Variants in LRRC4C observed in about 807,000 individuals in gnomAD.
The protein encoded by LRRC4C is leucine-rich repeat-containing protein 4C.
In LRRC4C, 5 loss-of-function variants were observed where a neutral mutation model predicts 33.6. The observed-to-expected ratio is 0.15, with a 90% CI of 0.08 to 0.31. The LOEUF (loss-of-function observed/expected upper bound fraction) is 0.31, where lower values mean the gene tolerates loss of function less well. Among genes scored for constraint, LRRC4C ranks in the 10% least tolerant of loss-of-function variants. The pLI, the probability that LRRC4C is intolerant of heterozygous loss-of-function variation, is 1.00. For missense variants in LRRC4C, 560 were observed against 796.7 expected (o/e 0.70, Z 3.58); for synonymous variants, 329 against 302.0 (o/e 1.09, Z -0.93).
intron 3 of LRRC4C, among the ~76,000 whole-genome samples, chr11:40,533,960 G>C (rs1381533185): frequency 6.6e-6 from 1 of 152,106 alleles, no homozygotes. Context: ...TATAGACATT[G>C]CCCAGCACAA....
chr11:40,810,347 C>T (rs1951435659), intron 2 of LRRC4C, among the ~76,000 whole-genome samples: 1 of 152,148 alleles, frequency 6.6e-6, no homozygotes, highest in Non-Finnish European at 1.5e-5. Context: ...TTATCTCCTT[C>T]TCTGTTTAAG....
intron 1 of LRRC4C, among the ~76,000 whole-genome samples, chr11:41,442,473 T>TTTTTTTTTTTTTTTTTTTC: frequency 7.7e-6 from 1 of 130,700 alleles, no homozygotes; most frequent in Non-Finnish European, 1.6e-5. Flanking sequence ...TTTTTTTTTT[T>TTTTTTTTTTTTTTTTTTTC]TTTTTTTTTT....
At chr11:40,912,460 A>G (rs1480384004) in intron 2 of LRRC4C, among the ~76,000 whole-genome samples, 2 of 152,188 alleles carry the variant, frequency 1.3e-5, no homozygotes, top group Non-Finnish European at 2.9e-5. Context: ...TTCATAACTG[A>G]AGGAGAAATA....
chr11:41,055,960 G>A (rs1004046246), intron 1 of LRRC4C, among the ~76,000 whole-genome samples: 15 of 152,094 alleles, frequency 9.9e-5, no homozygotes, highest in African/African-American at 3.6e-4. Context: ...TGCTTTTAAT[G>A]CATATTTTCT....
At chr11:41,289,764 C>A (rs547123475) in intron 1 of LRRC4C, among the ~76,000 whole-genome samples, 2 of 151,980 alleles carry the variant, frequency 1.3e-5, no homozygotes, top group Non-Finnish European at 1.5e-5. Context: ...TTTTGGCAGC[C>A]CTAGCATACT....
intron 3 of LRRC4C, among the ~76,000 whole-genome samples, chr11:40,645,028 A>T (rs1330905565): frequency 6.6e-6 from 1 of 152,118 alleles, no homozygotes; most frequent in Non-Finnish European, 1.5e-5. Flanking sequence ...CATCAGCAAT[A>T]TGACATCTAC....
At chr11:40,813,340 A>T (rs1951572258) in intron 2 of LRRC4C, among the ~76,000 whole-genome samples, 1 of 152,166 alleles carries the variant, frequency 6.6e-6, no homozygotes, top group Non-Finnish European at 1.5e-5. Flanking sequence ...AGGAGCAAAG[A>T]CATGTCTTAC....
At chr11:40,608,889 G>A (rs1003103695) in intron 3 of LRRC4C, among the ~76,000 whole-genome samples, 10 of 152,080 alleles carry the variant, frequency 6.6e-5, no homozygotes, top group African/African-American at 2.4e-4. Flanking sequence ...AATTATACAT[G>A]TATATACTAT....
rs933409890 is a variant in LRRC4C at position 41,302,342 on chromosome 11, C to T, written c.-496+157089G>A. On this transcript the variant is annotated intron_variant, in intron 1 of 6. Transcript: ENST00000528697. ...CAGAAACAAGGGAGGGGAAGCTACG[C>T]AATCACAGAAGAGGCAAAGTTGAGA... Among the ~76,000 whole-genome samples the T allele has an allele frequency of 6.6e-5, 10 of 152,116 alleles. No individual in the cohort carries two copies. In the East Asian group the frequency reaches 1.9e-3, roughly 29 times the overall value.
intron 1 of LRRC4C, among the ~76,000 whole-genome samples, chr11:40,947,786 G>A (rs534730194): frequency 6.6e-6 from 1 of 152,038 alleles, no homozygotes; most frequent in East Asian, 1.9e-4. Context: ...TAGCCCAGTG[G>A]CCTCCCTGTA....
chr11:40,490,331 A>G (rs1378232253), intron 3 of LRRC4C, among the ~76,000 whole-genome samples: 1 of 152,134 alleles, frequency 6.6e-6, no homozygotes. Context: ...ACCTAAAGCC[A>G]TCACCTTATA....
intron 1 of LRRC4C, among the ~76,000 whole-genome samples, chr11:41,455,085 C>T (rs1401584832): frequency 6.6e-6 from 1 of 152,102 alleles, no homozygotes; most frequent in Non-Finnish European, 1.5e-5. Flanking sequence ...TTCTCAATAC[C>T]ATATTCTCTT....
At chr11:41,283,264 A>G (rs1219871316) in intron 1 of LRRC4C, among the ~76,000 whole-genome samples, 1 of 152,244 alleles carries the variant, frequency 6.6e-6, no homozygotes, top group Non-Finnish European at 1.5e-5. Context: ...ATTATTTTAA[A>G]AAGTAAAAGA....
At chr11:40,263,957 C>T (rs7944775) in intron 4 of LRRC4C, among the ~76,000 whole-genome samples, 80 of 152,246 alleles carry the variant, frequency 5.3e-4, no homozygotes, top group African/African-American at 1.6e-3. Flanking sequence ...TATCCTTCCG[C>T]GCCCAGTCCT....
chr11:41,406,953 TA>T (rs1393864344), intron 1 of LRRC4C, among the ~76,000 whole-genome samples: 2 of 152,106 alleles, frequency 1.3e-5, no homozygotes, highest in African/African-American at 4.8e-5. Context: ...AAAAAAATTG[TA>T]AAAAGAAAAT....
intron 2 of LRRC4C, among the ~76,000 whole-genome samples, chr11:40,775,713 G>A (rs913007321): frequency 6.6e-6 from 1 of 152,140 alleles, no homozygotes; most frequent in African/African-American, 2.4e-5. Flanking sequence ...AAATCATATT[G>A]TAAGTAAAGA....
intron 2 of LRRC4C, among the ~76,000 whole-genome samples, chr11:40,754,358 AACAG>A (rs1485997541): frequency 1.3e-5 from 2 of 152,202 alleles, no homozygotes; most frequent in African/African-American, 2.4e-5. Flanking sequence ...ATAGGTGATA[AACAG>A]ACAGATTATT....
intron 1 of LRRC4C, among the ~76,000 whole-genome samples, chr11:41,416,545 A>G (rs1457076919): frequency 1.3e-5 from 2 of 151,992 alleles, no homozygotes; most frequent in Non-Finnish European, 2.9e-5. Context: ...AGCAAAGCAA[A>G]TCTTTCTTCC....
intron 1 of LRRC4C, among the ~76,000 whole-genome samples, chr11:41,096,440 G>C (rs1434927428): frequency 2.6e-5 from 4 of 152,166 alleles, no homozygotes; most frequent in Non-Finnish European, 5.9e-5. Flanking sequence ...CAGGAGACCA[G>C]TCATCAGTCA....
Sources: gnomAD v4.1 joint callset for allele counts (sites outside exome capture counted in the v4.1 genomes callset) on GRCh38, gnomAD v4.1.1 for gene constraint, MANE v1.5 for transcripts, NCBI Gene and HGNC (gene_info 2026-07-23, HGNC 2026-07-21) for gene names.